The following ADAMTS17 variants were observed in gnomAD, a reference collection of about 807,000 sequenced individuals.
The protein encoded by ADAMTS17 is ADAM metallopeptidase with thrombospondin type 1 motif 17.
Under a neutral mutation model 141.5 loss-of-function variants are expected in ADAMTS17, and 113 were observed. That is an observed-to-expected ratio of 0.80 (90% CI 0.69 to 0.93). The LOEUF (loss-of-function observed/expected upper bound fraction) is 0.93, where lower values mean the gene tolerates loss of function less well. Among genes scored for constraint, ADAMTS17 ranks in the 40% least tolerant of loss-of-function variants. The probability of loss-of-function intolerance (pLI) is 0.00; values close to 1 mark genes in which losing one functional copy is unlikely to be tolerated. For missense variants in ADAMTS17, 1,659 were observed against 1,517.9 expected, an observed-to-expected ratio of 1.09 and a Z score of -1.54; for synonymous variants, 768 against 630.6, an observed-to-expected ratio of 1.22 and a Z score of -3.27.
chr15:100,122,493 G>T (rs936274725), intron 12 of ADAMTS17, among the ~76,000 whole-genome samples: 2 of 152,130 alleles, frequency 1.3e-5, no homozygotes, highest in Admixed American at 1.3e-4. Flanking sequence ...ATCAATGCGG[G>T]CCTCCTGCAT....
chr15:100,016,030 A>G (rs2061282338), intron 18 of ADAMTS17, among the ~76,000 whole-genome samples: 1 of 152,204 alleles, frequency 6.6e-6, no homozygotes, highest in Non-Finnish European at 1.5e-5. Context: ...TGTTTAACAT[A>G]ATCCCAGACT....
intron 8 of ADAMTS17, among the ~76,000 whole-genome samples, chr15:100,172,986 A>T (rs983487161): frequency 6.6e-6 from 1 of 152,102 alleles, no homozygotes; most frequent in Non-Finnish European, 1.5e-5. Context: ...TGCTTCTCAA[A>T]CTTCTGTGCA....
intron 3 of ADAMTS17, among the ~76,000 whole-genome samples, chr15:100,309,608 T>A (rs960869985): frequency 6.6e-6 from 1 of 152,194 alleles, no homozygotes; most frequent in African/African-American, 2.4e-5. Flanking sequence ...GCCTACAACG[T>A]GCCAGGCATG....
At position 100,155,251 on chromosome 15, in the gene ADAMTS17, C is replaced by T. The variant is rs1485466455; in HGVS notation, c.1251G>A (p.Trp417Ter). The change falls in exon 9 of 22, where the codon TGG (tryptophan) becomes TGA (stop). Residue 417 changes from tryptophan (W) to a stop codon, truncating the protein, a stop_gained. Coordinates refer to ENST00000268070, the MANE Select transcript of ADAMTS17 (RefSeq NM_139057.4). LOFTEE classifies it high-confidence loss of function. ...GGTCACTTGGGTTCCGGCCTTTCAC[C>T]CACTCTCCTGACATGATGTGGGACC... ...AGRSHIMSGEWVKGRNPSDLS... is the reference protein window; with the variant it reads ...AGRSHIMSGE 1 of 1,614,160 alleles carries T rather than the reference C, an allele frequency of 6.2e-7. No homozygotes were observed. Among genetic ancestry groups the T allele is most frequent in the Admixed American group, 1.7e-5 (1 of 60,024 alleles).
chr15:100,196,489 C>A (rs528854096), intron 8 of ADAMTS17, among the ~76,000 whole-genome samples: 4 of 152,226 alleles, frequency 2.6e-5, no homozygotes, highest in African/African-American at 7.2e-5. Flanking sequence ...CGCCCTACGA[C>A]GCACATTAGG....
chr15:100,300,020 C>CTTCATTCTGAAT (rs1185300898), intron 3 of ADAMTS17, among the ~76,000 whole-genome samples: 2 of 152,156 alleles, frequency 1.3e-5, no homozygotes, highest in African/African-American at 4.8e-5. Flanking sequence ...AGTAAATGAA[C>CTTCATTCTGAAT]AAATTAAGAA....
intron 4 of ADAMTS17, among the ~76,000 whole-genome samples, chr15:100,267,133 T>C (rs1398122314): frequency 6.6e-6 from 1 of 152,140 alleles, no homozygotes; most frequent in Non-Finnish European, 1.5e-5. Flanking sequence ...CGAAGCTCTA[T>C]ACTCATGAAA....
chr15:100,091,432 A>G (rs1290121218), intron 15 of ADAMTS17, among the ~76,000 whole-genome samples: 6 of 152,226 alleles, frequency 3.9e-5, no homozygotes, highest in Non-Finnish European at 8.8e-5. Context: ...TTCATGAGGA[A>G]GCCATGGATA....
chr15:100,166,007 T>G (rs186686243), intron 8 of ADAMTS17, among the ~76,000 whole-genome samples: 2 of 152,360 alleles, frequency 1.3e-5, no homozygotes, highest in East Asian at 3.9e-4. Context: ...CTGAATACAC[T>G]GATTACTTTG....
intron 6 of ADAMTS17, among the ~76,000 whole-genome samples, chr15:100,258,745 C>G (rs915076207): frequency 1.3e-5 from 2 of 151,988 alleles, no homozygotes; most frequent in Non-Finnish European, 2.9e-5. Flanking sequence ...TTTACAGTAG[C>G]CATTGTAAAA....
chr15:100,121,629 A>C (rs1462884149), intron 12 of ADAMTS17, among the ~76,000 whole-genome samples: 1 of 152,178 alleles, frequency 6.6e-6, no homozygotes, highest in Non-Finnish European at 1.5e-5. Flanking sequence ...AAATTAACAC[A>C]TTCCCAGATA....
chr15:100,028,032 G>T (rs1686797725), intron 18 of ADAMTS17, among the ~76,000 whole-genome samples: 1 of 152,158 alleles, frequency 6.6e-6, no homozygotes, highest in African/African-American at 2.4e-5. Flanking sequence ...CTGACAAGCT[G>T]TACAGGCAGA....
chr15:100,333,144 T>G (rs1423131740), intron 2 of ADAMTS17, among the ~76,000 whole-genome samples: 4 of 152,066 alleles, frequency 2.6e-5, no homozygotes, highest in Non-Finnish European at 4.4e-5. Context: ...ATAAACCCCC[T>G]TCCCCGCAGC....
intron 4 of ADAMTS17, among the ~76,000 whole-genome samples, chr15:100,271,579 T>G (rs954530033): frequency 2.4e-5 from 2 of 83,288 alleles, no homozygotes; most frequent in Non-Finnish European, 4.7e-5. Context: ...TTTTTTAAAT[T>G]GAATTGTTTT....
chr15:100,165,161 G>T (rs548156093), intron 8 of ADAMTS17, among the ~76,000 whole-genome samples: 3 of 152,124 alleles, frequency 2.0e-5, no homozygotes, highest in South Asian at 4.1e-4. Flanking sequence ...GGTCCTAATA[G>T]ATTCCATGGG....
At chr15:100,308,381 A>G (rs960138706) in intron 3 of ADAMTS17, among the ~76,000 whole-genome samples, 6 of 152,232 alleles carry the variant, frequency 3.9e-5, no homozygotes, top group African/African-American at 1.4e-4. Flanking sequence ...CAGAATCCCC[A>G]AAGATAAAGC....
At position 100,131,993 on chromosome 15, in the gene ADAMTS17, G is replaced by T; in HGVS notation, c.1721+14C>A. ...ATCGTGGCACGTTGGGGTATGGCTG[G>T]TCAGGGGACTTACGGGGGGTTGTCA... On this transcript the variant is annotated intron_variant, in intron 12 of 21. Transcript: ENST00000268070. 1.9e-6 allele frequency: 3 copies of T among 1,614,234 alleles called. No homozygotes were observed. Among genetic ancestry groups the T allele is most frequent in the South Asian group, 2.2e-5 (2 of 91,090 alleles).
At chr15:100,299,513 G>T (rs79261824) in intron 3 of ADAMTS17, among the ~76,000 whole-genome samples, 15 of 87,636 alleles carry the variant, frequency 1.7e-4, no homozygotes, top group Admixed American at 4.3e-4. Flanking sequence ...TGATGGAAAA[G>T]AAAAAAAAAA....
intron 12 of ADAMTS17, among the ~76,000 whole-genome samples, chr15:100,124,437 G>A (rs1157760490): frequency 3.3e-5 from 5 of 152,340 alleles, no homozygotes; most frequent in Middle Eastern, 3.4e-3. Context: ...TGCTACACAC[G>A]CATCCGAACG....
Sources: allele counts gnomAD v4.1 joint callset (sites outside exome capture counted in the v4.1 genomes callset), GRCh38; gene constraint gnomAD v4.1.1; transcripts MANE v1.5; gene names NCBI Gene and HGNC (gene_info 2026-07-23, HGNC 2026-07-21).